The following ZNF441 variants were observed in gnomAD, a reference collection of about 807,000 sequenced individuals.
The protein encoded by ZNF441 is zinc finger protein 441.
ZNF441 carries 25 observed loss-of-function variants against 64.5 expected under a neutral mutation model. That is an observed-to-expected ratio of 0.39 (90% CI 0.28 to 0.54). ZNF441 has a LOEUF of 0.54. Ranked by LOEUF, ZNF441 falls within the 20% of genes least tolerant of loss-of-function variation. The probability of loss-of-function intolerance (pLI) is 0.70; values close to 1 mark genes in which losing one functional copy is unlikely to be tolerated. For synonymous variants in ZNF441, 262 were observed against 268.0 expected (o/e 0.98, Z 0.22); for missense variants, 715 against 843.3 (o/e 0.85, Z 1.88).
chr19:11,777,185 G>T (rs944338865), intron 1 of ZNF441, among the ~76,000 whole-genome samples: 3 of 152,118 alleles, frequency 2.0e-5, no homozygotes, highest in African/African-American at 7.2e-5. Context: ...TAATTTATAA[G>T]AAATGATATT....
intron 1 of ZNF441, among the ~76,000 whole-genome samples, chr19:11,775,628 C>CTTTTTTTT (rs34732395): frequency 9.0e-6 from 1 of 110,654 alleles, no homozygotes; most frequent in African/African-American, 3.8e-5. Context: ...CGCGCCCAGC[C>CTTTTTTTT]TTTTTTTTTT....
chr19:11,780,331 T>C lies in ZNF441; in HGVS notation c.507T>C (p.Tyr169=). The C allele has an allele frequency of 1.2e-6, 2 of 1,614,190 alleles. No individual in the cohort carries two copies. Among genetic ancestry groups the C allele is most frequent in the African/African-American group, 1.3e-5 (1 of 75,044 alleles). ...GACCTCAGCATGGAAAGAAACTCTA[T>C]GATTGTAAGGAATGTGCAAGCTTCA... ...HERPQHGKKL[Y]DCKECASFSS... The change falls in exon 4 of 4, where the codon TAT becomes TAC. Residue 169 remains tyrosine, a synonymous_variant. Coordinates refer to ENST00000357901, the MANE Select transcript of ZNF441 (RefSeq NM_152355.3).
At chr19:11,772,074 G>A (rs921719952) in intron 1 of ZNF441, among the ~76,000 whole-genome samples, 5 of 152,188 alleles carry the variant, frequency 3.3e-5, no homozygotes, top group Non-Finnish European at 5.9e-5. Flanking sequence ...AATGGCGTAA[G>A]CTGTCTTTCT....
chr19:11,776,748 A>G (rs186894128), intron 1 of ZNF441, among the ~76,000 whole-genome samples: 18 of 152,204 alleles, frequency 1.2e-4, no homozygotes, highest in Non-Finnish European at 2.6e-4. Context: ...CACATAGCAC[A>G]GGCTAAATCC....
chr19:11,771,906 C>A (rs555220646), intron 1 of ZNF441, among the ~76,000 whole-genome samples: 1 of 152,282 alleles, frequency 6.6e-6, no homozygotes, highest in East Asian at 1.9e-4. Context: ...CAGGTTTGTC[C>A]GCAGTTACCT....
chr19:11,781,130 A>G lies in ZNF441; in HGVS notation c.1306A>G (p.Ile436Val). 1 of 1,614,116 alleles carries G rather than the reference A, an allele frequency of 6.2e-7. No homozygotes were observed. The highest frequency in any genetic ancestry group is 8.5e-7 in the Non-Finnish European group (1 of 1,180,030). The part of the protein sequence containing the change: ...KAFICCTYLQ[I>V]HERIHTGERP... ...CTTCATTTGTTGCACTTACCTTCAA[A>G]TACATGAAAGAATTCACACTGGGGA... Residue 436 changes from isoleucine (I) to valine (V), a missense_variant, in exon 4 of 4, where the codon ATA becomes GTA. Ile to Val is a conservative substitution (Grantham distance 29). Coordinates refer to ENST00000357901, the MANE Select transcript of ZNF441 (RefSeq NM_152355.3).
At chr19:11,768,739 A>G (rs950764344) in intron 1 of ZNF441, among the ~76,000 whole-genome samples, 2 of 152,172 alleles carry the variant, frequency 1.3e-5, no homozygotes, top group African/African-American at 4.8e-5. Flanking sequence ...CTTCCTCAAT[A>G]AGCTACTTCC....
rs550172706 is a variant in ZNF441 at position 11,778,018 on chromosome 19, A to T, written c.130+281A>T. Reference sequence around the variant, plus strand: ...GGAAAGTAAGCTAGAAAAGGAAAATATTCATTAGGAAACCATAGGTAAGTG... The same window carrying T: ...GGAAAGTAAGCTAGAAAAGGAAAATTTTCATTAGGAAACCATAGGTAAGTG... On this transcript the variant is annotated intron_variant, in intron 2 of 3. Transcript: ENST00000357901. The T allele has an allele frequency of 4.8e-5, 19 of 397,082 alleles. No individual in the cohort carries two copies. The South Asian group carries it at 7.4e-4, about 15-fold the overall frequency. The allele number at this position is 397,082 out of a possible 1,614,324, so 24.6% of individuals were successfully genotyped here. A position where few individuals can be genotyped will look rare whatever the true frequency, so the allele number is the denominator to read the frequency against.
At chr19:11,773,369 G>T (rs1975330516) in intron 1 of ZNF441, among the ~76,000 whole-genome samples, 1 of 152,078 alleles carries the variant, frequency 6.6e-6, no homozygotes, top group Non-Finnish European at 1.5e-5. Flanking sequence ...TTCAGAATAT[G>T]GTCTATCTTG....
Position 11,767,801 on chromosome 19 carries a change from C to G in ZNF441, c.3+605C>G, listed in dbSNP as rs1975282851. Reference sequence around the variant, plus strand: ...ACTCAGGCGACTCTTGAGCAACTCTCAGAGATCTCATCCCCAAGCACAATG... The same window carrying G: ...ACTCAGGCGACTCTTGAGCAACTCTGAGAGATCTCATCCCCAAGCACAATG... On this transcript the variant is annotated intron_variant, in intron 1 of 3. Coordinates refer to ENST00000357901, the MANE Select transcript of ZNF441 (RefSeq NM_152355.3). The surrounding 1 kb of genome is among the most constrained non-coding windows in gnomAD (Gnocchi z 5.1). Among the ~76,000 whole-genome samples the G allele has an allele frequency of 6.6e-6, 1 of 152,216 alleles. No individual in the cohort carries two copies. Among genetic ancestry groups the G allele is most frequent in the Non-Finnish European group, 1.5e-5 (1 of 68,044 alleles).
At position 11,781,932 on chromosome 19, in the gene ZNF441, T is replaced by C. The variant is rs1975408427; in HGVS notation, c.*26T>C. 4 of 1,520,078 alleles carry C rather than the reference T, an allele frequency of 2.6e-6. No homozygotes were observed. Among genetic ancestry groups the C allele is most frequent in the Non-Finnish European group, 3.5e-6 (4 of 1,131,884 alleles). The allele number at this position is 1,520,078 out of a possible 1,614,324, so 94.2% of individuals were successfully genotyped here. Reference sequence around the variant, plus strand: ...AGAAAACCCCTATGAGTGTTGAACATGTGAGAAAGCCTTAAGTACTTTCAG... The same window carrying C: ...AGAAAACCCCTATGAGTGTTGAACACGTGAGAAAGCCTTAAGTACTTTCAG... On this transcript the variant is annotated 3_prime_UTR_variant, in exon 4 of 4. Transcript: ENST00000357901.
Position 11,767,364 on chromosome 19 carries a change from C to G in ZNF441, c.3+168C>G, listed in dbSNP as rs572113613. Among the ~76,000 whole-genome samples, 2,148 of 152,306 alleles carry G rather than the reference C, an allele frequency of 0.014. 45 individuals are homozygous for G. Among genetic ancestry groups the G allele is most frequent in the African/African-American group, 0.05 (2,065 of 41,560 alleles). On this transcript the variant is annotated intron_variant, in intron 1 of 3. Coordinates refer to ENST00000357901, the MANE Select transcript of ZNF441 (RefSeq NM_152355.3). The surrounding 1 kb of genome is among the most constrained non-coding windows in gnomAD (Gnocchi z 5.1). The stretch of plus-strand genomic sequence containing the variant: ...GGGGCTGGGGCGGCAGCCGGGACCC[C>G]GGGCGTCCTGTCCCGTCCCTGCGCG...
chr19:11,779,998 T>C (rs749435809), intron 3 of ZNF441, 21 bp from the exon 4 acceptor site: 1 of 1,545,834 alleles, frequency 6.5e-7, no homozygotes, highest in Admixed American at 1.8e-5. Flanking sequence ...CCTTTACTAA[T>C]GTACTTCTTA....
intron 2 of ZNF441, chr19:11,778,027 G>A (rs571581762): frequency 1.8e-4 from 72 of 397,370 alleles, no homozygotes; most frequent in African/African-American, 1.4e-3. Context: ...TATTCATTAG[G>A]AAACCATAGG....
chr19:11,777,868 C>A, intron 2 of ZNF441, 131 bp downstream of exon 2: 1 of 996,810 alleles, frequency 1.0e-6, no homozygotes, highest in African/African-American at 1.6e-5. Flanking sequence ...AGCAGTCATA[C>A]ATCTTCTCCC....
chr19:11,773,691 A>C (rs1403444897), intron 1 of ZNF441, among the ~76,000 whole-genome samples: 2 of 152,204 alleles, frequency 1.3e-5, no homozygotes, highest in Non-Finnish European at 2.9e-5. Flanking sequence ...TCTCTTTATC[A>C]TTATGAAATA....
chr19:11,773,946 A>G (rs548020770), intron 1 of ZNF441, among the ~76,000 whole-genome samples: 18 of 152,288 alleles, frequency 1.2e-4, no homozygotes, highest in African/African-American at 4.1e-4. Context: ...TTGGATTAAT[A>G]TCACATATAT....
At position 11,781,080 on chromosome 19, in the gene ZNF441, A is replaced by G. The variant is rs1975398481; in HGVS notation, c.1256A>G (p.Tyr419Cys). Residue 419 changes from tyrosine (Y) to cysteine (C), a missense_variant, in exon 4 of 4, where the codon TAT becomes TGT. By Grantham distance (194) the Tyr-to-Cys change is radical. Transcript: ENST00000357901. ...HETTHTGEKPYKCKQCGKAFI... is the reference protein window; with the variant it reads ...HETTHTGEKPCKCKQCGKAFI... ...ACTACTCACACTGGAGAGAAGCCAT[A>G]TAAATGTAAACAATGTGGAAAAGCC... 5 of 1,614,180 alleles carry G rather than the reference A, an allele frequency of 3.1e-6. No homozygotes were observed. The highest frequency in any genetic ancestry group is 4.2e-6 in the Non-Finnish European group (5 of 1,180,032).
intron 1 of ZNF441, among the ~76,000 whole-genome samples, chr19:11,774,596 A>G (rs1975340413): frequency 6.6e-6 from 1 of 152,210 alleles, no homozygotes; most frequent in South Asian, 2.1e-4. Flanking sequence ...GCAGTTGCAT[A>G]AATTAAATAT....
Sources: allele counts gnomAD v4.1 joint callset (sites outside exome capture counted in the v4.1 genomes callset), GRCh38; gene constraint gnomAD v4.1.1; non-coding constraint Gnocchi (gnomAD v3.1); transcripts MANE v1.5; gene names NCBI Gene and HGNC (gene_info 2026-07-23, HGNC 2026-07-21).